Variants in SPPL2A observed in about 807,000 individuals in gnomAD.
The protein encoded by SPPL2A is signal peptide peptidase-like 2A.
Under a neutral mutation model 63.8 loss-of-function variants are expected in SPPL2A, and 51 were observed. That is an observed-to-expected ratio of 0.80 (90% CI 0.64 to 1.01). SPPL2A has a LOEUF of 1.01. SPPL2A is among the 50% of genes least tolerant of loss of function. The probability of loss-of-function intolerance (pLI) is 0.00; values close to 1 mark genes in which losing one functional copy is unlikely to be tolerated. For missense variants in SPPL2A, 553 were observed against 622.7 expected (o/e 0.89, Z 1.19); for synonymous variants, 188 against 205.8 (o/e 0.91, Z 0.74).
intron 1 of SPPL2A, among the ~76,000 whole-genome samples, chr15:50,762,908 T>G (rs1357245175): frequency 6.7e-6 from 1 of 149,968 alleles, no homozygotes; most frequent in Non-Finnish European, 1.5e-5. Context: ...AATTTTTTTT[T>G]TTTTGTATTT....
intron 1 of SPPL2A, among the ~76,000 whole-genome samples, chr15:50,761,745 G>C (rs1429629345): frequency 6.6e-6 from 1 of 152,052 alleles, no homozygotes; most frequent in Non-Finnish European, 1.5e-5. Flanking sequence ...AGACCAGCCT[G>C]GGCAACACAG....
chr15:50,739,941 T>A, intron 5 of SPPL2A, 113 bp from the exon 6 acceptor site: 1 of 512,336 alleles, frequency 2.0e-6, no homozygotes, highest in Non-Finnish European at 3.0e-6. Context: ...TATTTTTATT[T>A]ATTAAAATAT....
In SPPL2A at chr15:50,749,745, G is replaced by A. The variant is rs763597632; in HGVS notation, c.68C>T (p.Thr23Ile). 1 of 1,599,906 alleles carries A rather than the reference G, an allele frequency of 6.3e-7. No individual in the cohort carries two copies. The highest frequency in any genetic ancestry group is 1.1e-5 in the South Asian group (1 of 90,802). ...ALLWGFLLQL[T>I]AAQEAILHAS... is the part of the protein sequence containing the mutation. ...ATGCAAGATTGCTTCCTGAGCGGCT[G>A]TCTAGGAGACAAACAATAACTTTCA... The change falls in exon 2 of 15, where the codon ACA (threonine) becomes ATA (isoleucine). Residue 23 changes from threonine to isoleucine, a missense_variant and splice_region_variant. By Grantham distance (89) the Thr-to-Ile change is moderately conservative. Transcript: ENST00000261854.
In SPPL2A at chr15:50,706,687, A is replaced by G. The variant is rs1379925246; in HGVS notation, c.*1113T>C. On this transcript the variant is annotated 3_prime_UTR_variant, in exon 15 of 15. Transcript: ENST00000261854. ...GATGAGCCATATGTATTAATACATA[A>G]TTTCTTAAGAAAAATAATTTTTTTA... is the stretch of plus-strand genomic sequence containing the variant. 1 of 152,130 alleles carries G rather than the reference A, an allele frequency of 6.6e-6. No homozygotes were observed. Among genetic ancestry groups the G allele is most frequent in the East Asian group, 1.9e-4 (1 of 5,192 alleles). 9.4% of individuals were successfully genotyped at this position (152,130 alleles called of 1,614,324 possible).
At position 50,706,030 on chromosome 15, in the gene SPPL2A, A is replaced by G. The variant is rs1189449713; in HGVS notation, c.*1770T>C. Reference sequence around the variant, plus strand: ...TAAAATTTACCAAAGAATGGGGAAAAAACTTTTTTCAAGTTGGAAGGTACC... The same window carrying G: ...TAAAATTTACCAAAGAATGGGGAAAGAACTTTTTTCAAGTTGGAAGGTACC... On this transcript the variant is annotated 3_prime_UTR_variant, in exon 15 of 15. Transcript: ENST00000261854. 6.6e-6 allele frequency: 1 copy of G among 152,202 alleles called. No individual in the cohort carries two copies. Among genetic ancestry groups the G allele is most frequent in the East Asian group, 1.9e-4 (1 of 5,196 alleles). 9.4% of individuals were successfully genotyped at this position (152,202 alleles called of 1,614,324 possible).
intron 5 of SPPL2A, chr15:50,746,670 T>G (rs2062860676): frequency 6.8e-6 from 1 of 146,380 alleles, no homozygotes; most frequent in Non-Finnish European, 1.5e-5. Flanking sequence ...TTTACTTTTT[T>G]TTTTTTTTTT....
chr15:50,756,608 G>A (rs190475145), intron 1 of SPPL2A, among the ~76,000 whole-genome samples: 1 of 152,106 alleles, frequency 6.6e-6, no homozygotes, highest in East Asian at 1.9e-4. Flanking sequence ...AAAAGGGGGT[G>A]GGCATGGTGG....
chr15:50,736,828 T>C (rs537322298), intron 6 of SPPL2A, 88 bp from the exon 7 acceptor site: 4 of 645,100 alleles, frequency 6.2e-6, no homozygotes, highest in Non-Finnish European at 1.1e-5. Flanking sequence ...TTCTTTACTT[T>C]CTTTATTGAA....
Position 50,704,501 on chromosome 15 carries a change from C to T in SPPL2A, c.*3299G>A, listed in dbSNP as rs2062496102. 1 of 151,648 alleles carries T rather than the reference C, an allele frequency of 6.6e-6. No individual in the cohort carries two copies. Among genetic ancestry groups the T allele is most frequent in the Non-Finnish European group, 1.5e-5 (1 of 67,922 alleles). 9.4% of individuals were successfully genotyped at this position (151,648 alleles called of 1,614,324 possible). A position where few individuals can be genotyped will look rare whatever the true frequency, so the allele number is the denominator to read the frequency against. On this transcript the variant is annotated 3_prime_UTR_variant, in exon 15 of 15. Coordinates refer to ENST00000261854, the MANE Select transcript of SPPL2A (RefSeq NM_032802.4). ...TGAGATAGTGATTTCTGTTGATAAGCCACAAAAATGTTCAAAGGGATTTTC... is the reference window on the plus strand; with the variant it reads ...TGAGATAGTGATTTCTGTTGATAAGTCACAAAAATGTTCAAAGGGATTTTC...
chr15:50,722,592 G>C (rs548831558), intron 12 of SPPL2A, among the ~76,000 whole-genome samples: 1 of 152,238 alleles, frequency 6.6e-6, no homozygotes, highest in South Asian at 2.1e-4. Context: ...GAGTAGCTGG[G>C]ACTACAGGCG....
intron 1 of SPPL2A, among the ~76,000 whole-genome samples, chr15:50,754,268 G>GAC (rs1229142941): frequency 6.6e-6 from 1 of 152,062 alleles, no homozygotes; most frequent in Non-Finnish European, 1.5e-5. Context: ...AACCTCCATT[G>GAC]ACACATCGTC....
At chr15:50,748,929 C>A (rs145929560) in intron 2 of SPPL2A, 59 bp from the exon 3 acceptor site, 2 of 1,122,166 alleles carry the variant, frequency 1.8e-6, no homozygotes, top group East Asian at 2.6e-5. Context: ...TAAATGCATT[C>A]AGTTATAAAT....
intron 1 of SPPL2A, among the ~76,000 whole-genome samples, chr15:50,762,040 G>A (rs1288224180): frequency 6.6e-6 from 1 of 152,078 alleles, no homozygotes; most frequent in Non-Finnish European, 1.5e-5. Flanking sequence ...GTGACCCAGG[G>A]TCGAGGTTGA....
chr15:50,749,568 G>A (rs900071119), intron 2 of SPPL2A, 68 bp downstream of exon 2: 1 of 1,030,842 alleles, frequency 9.7e-7, no homozygotes, highest in Non-Finnish European at 1.5e-6. Flanking sequence ...TTACAGGCAT[G>A]AGCCACCGTG....
At chr15:50,761,413 C>G (rs1335433789) in intron 1 of SPPL2A, among the ~76,000 whole-genome samples, 2 of 152,010 alleles carry the variant, frequency 1.3e-5, no homozygotes, top group Non-Finnish European at 2.9e-5. Context: ...GTCAGTAGTT[C>G]GAGAGTAGCC....
chr15:50,754,107 C>G lies in SPPL2A; in HGVS notation c.67-4361G>C, dbSNP rs368761924. 3.9e-5 allele frequency among the ~76,000 whole-genome samples: 6 copies of G among 152,236 alleles called. No homozygotes were observed. The East Asian group carries it at 5.8e-4, about 15-fold the overall frequency. ...CCACCATGCCCGGACTTCTTTCTTT[C>G]TTAAAAGACTTTATTTTAAAGCAGT... On this transcript the variant is annotated intron_variant, in intron 1 of 14. Coordinates refer to ENST00000261854, the MANE Select transcript of SPPL2A (RefSeq NM_032802.4).
Position 50,765,506 on chromosome 15 carries a change from C to G in SPPL2A, c.28G>C (p.Ala10Pro). 1 of 1,501,224 alleles carries G rather than the reference C, an allele frequency of 6.7e-7. No individual in the cohort carries two copies. The highest frequency in any genetic ancestry group is 8.8e-7 in the Non-Finnish European group (1 of 1,132,788). The allele number at this position is 1,501,224 out of a possible 1,614,324, so 93.0% of individuals were successfully genotyped here. Residue 10 changes from alanine (A) to proline (P), a missense_variant, in exon 1 of 15, where the codon GCC becomes CCC. Coordinates refer to ENST00000261854, the MANE Select transcript of SPPL2A (RefSeq NM_032802.4). MGPQRRLSP[A>P]GAALLWGFLL... ...AAGCCCCAGAGTAGGGCGGCCCCGG[C>G]AGGGGACAGCCGCCGCTGCGGCCCC...
rs1022908319 is a variant in SPPL2A at position 50,705,716 on chromosome 15, A to C, written c.*2084T>G. On this transcript the variant is annotated 3_prime_UTR_variant, in exon 15 of 15. Coordinates refer to ENST00000261854, the MANE Select transcript of SPPL2A (RefSeq NM_032802.4). ...TGTCAATGAAGCTTCTCTATTTGCAATTTATTCAGCAAAAGCGAACAATTT... is the reference window on the plus strand; with the variant it reads ...TGTCAATGAAGCTTCTCTATTTGCACTTTATTCAGCAAAAGCGAACAATTT... 1 of 152,358 alleles carries C rather than the reference A, an allele frequency of 6.6e-6. No homozygotes were observed. Among genetic ancestry groups the C allele is most frequent in the East Asian group, 1.9e-4 (1 of 5,192 alleles). 9.4% of individuals were successfully genotyped at this position (152,358 alleles called of 1,614,324 possible).
intron 10 of SPPL2A, among the ~76,000 whole-genome samples, chr15:50,728,746 G>T (rs970145612): frequency 6.6e-6 from 1 of 151,312 alleles, no homozygotes; most frequent in Non-Finnish European, 1.5e-5. Flanking sequence ...GGCTTCAAGC[G>T]ATCTTCCCAC....
Sources: gnomAD v4.1 joint callset for allele counts (sites outside exome capture counted in the v4.1 genomes callset) on GRCh38, gnomAD v4.1.1 for gene constraint, MANE v1.5 for transcripts, NCBI Gene and HGNC (gene_info 2026-07-23, HGNC 2026-07-21) for gene names.